Variants in NEGR1 observed in about 807,000 individuals in gnomAD.
NEGR1 encodes the protein neuronal growth regulator 1.
A neutral mutation model predicts 40.9 loss-of-function variants in NEGR1; 10 were observed. That is an observed-to-expected ratio of 0.24 (90% CI 0.15 to 0.42). The LOEUF (loss-of-function observed/expected upper bound fraction) is 0.42, where lower values mean the gene tolerates loss of function less well. NEGR1 is among the 10% of genes least tolerant of loss of function. The pLI is 1.00. For missense variants in NEGR1, 352 were observed against 438.9 expected (o/e 0.80, Z 1.77); for synonymous variants, 185 against 166.8 (o/e 1.11, Z -0.84).
chr1:71,554,380 G>A (rs1648184090), intron 6 of NEGR1, among the ~76,000 whole-genome samples: 1 of 151,316 alleles, frequency 6.6e-6, no homozygotes, highest in Non-Finnish European at 1.5e-5. Context: ...TCAAACAATG[G>A]TGTTATTCTC....
intron 6 of NEGR1, among the ~76,000 whole-genome samples, chr1:71,447,109 G>C (rs998253529): frequency 2.6e-5 from 4 of 152,172 alleles, no homozygotes; most frequent in Non-Finnish European, 5.9e-5. Context: ...AGAGGCAGCG[G>C]GCCTTACTGT....
intron 1 of NEGR1, among the ~76,000 whole-genome samples, chr1:72,139,640 C>A (rs1650598418): frequency 6.6e-6 from 1 of 151,938 alleles, no homozygotes; most frequent in South Asian, 2.1e-4. Context: ...TGTAAAAAAT[C>A]ATTTATGTAA....
chr1:71,687,427 G>T (rs533548802), intron 4 of NEGR1, among the ~76,000 whole-genome samples: 1 of 152,228 alleles, frequency 6.6e-6, no homozygotes, highest in South Asian at 2.1e-4. Flanking sequence ...GTTTTTATTT[G>T]TTTGTTTTTT....
At chr1:71,502,156 C>G (rs1335800352) in intron 6 of NEGR1, among the ~76,000 whole-genome samples, 1 of 152,132 alleles carries the variant, frequency 6.6e-6, no homozygotes, top group African/African-American at 2.4e-5. Flanking sequence ...AACTGCATTG[C>G]TCATGCACCC....
chr1:71,919,428 G>A (rs1661694632), intron 2 of NEGR1, among the ~76,000 whole-genome samples: 1 of 150,946 alleles, frequency 6.6e-6, no homozygotes, highest in South Asian at 2.1e-4. Flanking sequence ...TGGATAAGTT[G>A]ATAATAGATG....
chr1:71,900,938 G>A (rs1278475950), intron 2 of NEGR1, among the ~76,000 whole-genome samples: 3 of 152,042 alleles, frequency 2.0e-5, no homozygotes, highest in Non-Finnish European at 2.9e-5. Context: ...CATCACCATC[G>A]CCATCATCAT....
At chr1:71,439,475 A>G (rs557015760) in intron 6 of NEGR1, among the ~76,000 whole-genome samples, 21 of 152,148 alleles carry the variant, frequency 1.4e-4, no homozygotes, top group African/African-American at 5.1e-4. Flanking sequence ...CAGTCCTCCT[A>G]CCTTAGCCTC....
intron 1 of NEGR1, among the ~76,000 whole-genome samples, chr1:71,938,332 T>A (rs1420768942): frequency 6.6e-6 from 1 of 151,236 alleles, no homozygotes; most frequent in Non-Finnish European, 1.5e-5. Flanking sequence ...AGGTCTAGTA[T>A]GAGATGACTA....
chr1:71,521,900 A>T (rs1175479691), intron 6 of NEGR1, among the ~76,000 whole-genome samples: 1 of 151,972 alleles, frequency 6.6e-6, no homozygotes, highest in African/African-American at 2.4e-5. Flanking sequence ...CATAGTTAAC[A>T]TGGGGGATGA....
chr1:71,821,274 A>C (rs1658419621), intron 2 of NEGR1, among the ~76,000 whole-genome samples: 1 of 151,992 alleles, frequency 6.6e-6, no homozygotes. Context: ...GATGAGCAAG[A>C]GGTAGCTAAC....
chr1:71,653,177 G>A (rs547610847), intron 4 of NEGR1, among the ~76,000 whole-genome samples: 51 of 152,282 alleles, frequency 3.3e-4, no homozygotes, highest in Non-Finnish European at 6.3e-4. Context: ...AGGGATGAAG[G>A]AAGAAAGAGA....
chr1:71,583,873 C>T (rs766007048), intron 6 of NEGR1, among the ~76,000 whole-genome samples: 13 of 152,270 alleles, frequency 8.5e-5, no homozygotes, highest in Non-Finnish European at 1.5e-4. Context: ...TCCACATATG[C>T]ACTAATTGGA....
chr1:72,274,764 G>C (rs1655980597), intron 1 of NEGR1: 6 of 1,271,756 alleles, frequency 4.7e-6, no homozygotes, highest in African/African-American at 2.9e-5. Context: ...GCTGTAAGCA[G>C]TTCATCTGTG....
intron 6 of NEGR1, among the ~76,000 whole-genome samples, chr1:71,410,300 G>C (rs1646311061): frequency 1.3e-5 from 2 of 152,050 alleles, no homozygotes; most frequent in Non-Finnish European, 2.9e-5. Context: ...AGCAAAGTTA[G>C]TCACCATAAT....
chr1:71,562,008 G>T (rs1172554877), intron 6 of NEGR1, among the ~76,000 whole-genome samples: 1 of 138,042 alleles, frequency 7.2e-6, no homozygotes, highest in Non-Finnish European at 1.5e-5. Context: ...GGTCATTTTT[G>T]AATCTGTTCC....
rs190539760 is a variant in NEGR1 at position 71,950,193 on chromosome 1, T to C, written c.177-14882A>G. Among the ~76,000 whole-genome samples the C allele has an allele frequency of 2.6e-5, 4 of 152,216 alleles. No individual in the cohort carries two copies. In the East Asian group the frequency reaches 7.7e-4, roughly 29 times the overall value. On this transcript the variant is annotated intron_variant, in intron 1 of 6. Coordinates refer to ENST00000357731, the MANE Select transcript of NEGR1 (RefSeq NM_173808.3). ...TCCTGTTTATGTAGTTCAGAGTTCC[T>C]ACTGTGTGGCAGTAACTCCTTCATT...
At chr1:72,210,978 G>T (rs1653583622) in intron 1 of NEGR1, among the ~76,000 whole-genome samples, 1 of 151,722 alleles carries the variant, frequency 6.6e-6, no homozygotes, top group Non-Finnish European at 1.5e-5. Flanking sequence ...GGTATCAAGG[G>T]TATATGTGTA....
chr1:71,906,191 G>C (rs1661269726), intron 2 of NEGR1, among the ~76,000 whole-genome samples: 1 of 151,940 alleles, frequency 6.6e-6, no homozygotes. Context: ...AATAAACACT[G>C]TCATTTTTAT....
At chr1:72,134,465 A>G (rs1384206984) in intron 1 of NEGR1, among the ~76,000 whole-genome samples, 1 of 151,830 alleles carries the variant, frequency 6.6e-6, no homozygotes, top group Non-Finnish European at 1.5e-5. Context: ...CGGCCTCCCA[A>G]AGTGCTGGGA....
Sources: allele counts gnomAD v4.1 joint callset (sites outside exome capture counted in the v4.1 genomes callset), GRCh38; gene constraint gnomAD v4.1.1; transcripts MANE v1.5; gene names NCBI Gene and HGNC (gene_info 2026-07-23, HGNC 2026-07-21).